Variants in CCDC158 observed in about 807,000 individuals in gnomAD.
CCDC158 encodes coiled-coil domain containing 158.
In CCDC158, 116 loss-of-function variants were observed where a neutral mutation model predicts 138.6. The observed-to-expected ratio is 0.84, with a 90% CI of 0.72 to 0.98. The LOEUF (loss-of-function observed/expected upper bound fraction) is 0.98, where lower values mean the gene tolerates loss of function less well. Ranked by LOEUF, CCDC158 falls within the 50% of genes least tolerant of loss-of-function variation. The pLI is 0.00. For missense variants in CCDC158, 1,265 were observed against 1,306.1 expected (o/e 0.97, Z 0.48); for synonymous variants, 436 against 442.4 (o/e 0.99, Z 0.18).
At chr4:76,368,318 T>A (rs988689550) in intron 11 of CCDC158, among the ~76,000 whole-genome samples, 1 of 152,122 alleles carries the variant, frequency 6.6e-6, no homozygotes, top group Non-Finnish European at 1.5e-5. Flanking sequence ...ATTCTACCTC[T>A]GAGGAAAAAA....
chr4:76,380,815 T>C (rs542029527), intron 8 of CCDC158, among the ~76,000 whole-genome samples: 2 of 152,328 alleles, frequency 1.3e-5, no homozygotes, highest in East Asian at 3.9e-4. Context: ...AGAAATGGTT[T>C]TGTAAGCCAG....
intron 19 of CCDC158, among the ~76,000 whole-genome samples, chr4:76,333,737 A>C (rs1008711075): frequency 6.6e-6 from 1 of 152,190 alleles, no homozygotes; most frequent in Non-Finnish European, 1.5e-5. Context: ...TATGGATATA[A>C]AATCTTTTGA....
intron 21 of CCDC158, 96 bp from the exon 22 acceptor site, chr4:76,329,063 G>T: frequency 1.1e-6 from 1 of 945,582 alleles, no homozygotes; most frequent in Non-Finnish European, 1.7e-6. Flanking sequence ...AAATGTGATG[G>T]TTTAAAATAT....
chr4:76,403,049 A>T, intron 3 of CCDC158, 89 bp downstream of exon 3: 1 of 896,162 alleles, frequency 1.1e-6, no homozygotes, highest in Non-Finnish European at 1.8e-6. Flanking sequence ...CCACATGGTT[A>T]AAAATAAAAC....
chr4:76,369,568 C>T lies in CCDC158; in HGVS notation c.1205G>A (p.Arg402His), dbSNP rs202057639. 3.1e-5 allele frequency: 50 copies of T among 1,614,034 alleles called. No homozygotes were observed. The highest frequency in any genetic ancestry group is 1.6e-4 in the Middle Eastern group (1 of 6,084). ...ELSLEKEQNK[R>H]LWDRDTGNSI... ...GTTGCCTGTGTCTCGGTCCCACAGA[C>T]GCTTATTCTGCTCCTTCTCCAGACT... The change falls in exon 11 of 25, where the codon CGT (arginine) becomes CAT (histidine). Residue 402 changes from arginine to histidine, a missense_variant. Physicochemically the swap from Arg to His is conservative, Grantham distance 29 (BLOSUM62 0). Coordinates refer to ENST00000682701, the MANE Select transcript of CCDC158 (RefSeq NM_001394954.1).
chr4:76,383,551 A>G, intron 7 of CCDC158, 111 bp downstream of exon 7: 2 of 739,254 alleles, frequency 2.7e-6, no homozygotes, highest in South Asian at 1.7e-5. Context: ...ATAAACCTAT[A>G]AAAAAACTTA....
At chr4:76,339,715 C>A (rs773560831) in intron 18 of CCDC158, among the ~76,000 whole-genome samples, 1 of 152,216 alleles carries the variant, frequency 6.6e-6, no homozygotes, top group South Asian at 2.1e-4. Flanking sequence ...TCTGGTTTCA[C>A]TGCTCTGGTC....
In CCDC158 at chr4:76,403,160, A is replaced by C. The variant is rs1265688411; in HGVS notation, c.48T>G (p.Ser16Arg). The change falls in exon 3 of 25, where the codon AGT (serine) becomes AGG (arginine). Residue 16 changes from serine to arginine, a missense_variant. By Grantham distance (110) the Ser-to-Arg change is moderately radical. Coordinates refer to ENST00000682701, the MANE Select transcript of CCDC158 (RefSeq NM_001394954.1). ...TACCTCCATTAGATGTGACACCACT[A>C]CTTGATAAAAGATCTTCATTATTTG... ...WESNNEDLLSSSGVTSNGGSS... is the reference protein window; with the variant it reads ...WESNNEDLLSRSGVTSNGGSS... 6.2e-6 allele frequency: 10 copies of C among 1,606,186 alleles called. No homozygotes were observed. The highest frequency in any genetic ancestry group is 8.5e-6 in the Non-Finnish European group (10 of 1,176,342).
intron 8 of CCDC158, among the ~76,000 whole-genome samples, chr4:76,381,783 G>A (rs1168516281): frequency 6.6e-6 from 1 of 152,130 alleles, no homozygotes; most frequent in Non-Finnish European, 1.5e-5. Flanking sequence ...CCGGGTTCAT[G>A]CCATTCTCCT....
At chr4:76,334,312 G>A (rs1444964924) in intron 18 of CCDC158, 145 bp from the exon 19 acceptor site, 1 of 655,586 alleles carries the variant, frequency 1.5e-6, no homozygotes, top group East Asian at 2.7e-5. Flanking sequence ...TTATTACACA[G>A]AGATAATCAA....
chr4:76,346,983 A>T (rs970280295), intron 18 of CCDC158, among the ~76,000 whole-genome samples: 119 of 152,310 alleles, frequency 7.8e-4, no homozygotes, highest in East Asian at 9.6e-4. Context: ...ATGAGATACC[A>T]TCTCATGCCA....
chr4:76,342,436 T>C (rs1722144673), intron 18 of CCDC158, among the ~76,000 whole-genome samples: 1 of 152,240 alleles, frequency 6.6e-6, no homozygotes, highest in African/African-American at 2.4e-5. Flanking sequence ...TAATAGCACT[T>C]ACCTCATGTT....
chr4:76,404,801 G>T (rs1208656406), intron 2 of CCDC158, among the ~76,000 whole-genome samples: 1 of 152,064 alleles, frequency 6.6e-6, no homozygotes, highest in South Asian at 2.1e-4. Flanking sequence ...GAAGCAGGAG[G>T]ATAGCTTGAA....
chr4:76,323,860 A>G (rs1720274322), intron 23 of CCDC158, among the ~76,000 whole-genome samples: 1 of 152,194 alleles, frequency 6.6e-6, no homozygotes. Flanking sequence ...CTGTCACCTA[A>G]CGTGAATGGT....
At chr4:76,356,375 T>C (rs1723567152) in intron 14 of CCDC158, among the ~76,000 whole-genome samples, 1 of 142,836 alleles carries the variant, frequency 7.0e-6, no homozygotes, top group African/African-American at 2.4e-5. Context: ...AACAAATGTT[T>C]TTTTTTTTAT....
intron 18 of CCDC158, 33 bp downstream of exon 18, chr4:76,350,963 T>C (rs1430424726): frequency 6.2e-7 from 1 of 1,601,142 alleles, no homozygotes; most frequent in Admixed American, 1.7e-5. Flanking sequence ...GCATATGTCA[T>C]TTGCGTAATG....
At chr4:76,381,731 G>C (rs376762121) in intron 8 of CCDC158, among the ~76,000 whole-genome samples, 1 of 152,090 alleles carries the variant, frequency 6.6e-6, no homozygotes, top group Admixed American at 6.6e-5. Context: ...GCCCAGGTTG[G>C]AGTGCAGTGG....
chr4:76,402,483 A>G (rs1044226827), intron 3 of CCDC158, among the ~76,000 whole-genome samples: 1 of 152,032 alleles, frequency 6.6e-6, no homozygotes, highest in Non-Finnish European at 1.5e-5. Flanking sequence ...TGCTTTTCTC[A>G]TTGTCCTTCT....
intron 21 of CCDC158, among the ~76,000 whole-genome samples, chr4:76,329,778 TATG>T (rs1402109455): frequency 1.3e-5 from 2 of 152,150 alleles, no homozygotes; most frequent in African/African-American, 4.8e-5. Context: ...CTACTTTCAT[TATG>T]ATATCAGGTT....
Sources: gnomAD v4.1 joint callset for allele counts (sites outside exome capture counted in the v4.1 genomes callset) on GRCh38, gnomAD v4.1.1 for gene constraint, MANE v1.5 for transcripts, NCBI Gene and HGNC (gene_info 2026-07-23, HGNC 2026-07-21) for gene names.